Variants in ZFP1 observed in about 807,000 individuals in gnomAD.
ZFP1 encodes the protein zinc finger protein 1 homolog.
A neutral mutation model predicts 38.5 loss-of-function variants in ZFP1; 32 were observed. That is an observed-to-expected ratio of 0.83 (90% CI 0.63 to 1.12). The LOEUF (loss-of-function observed/expected upper bound fraction) is 1.12. ZFP1 is among the 50% of genes most tolerant of loss of function. ZFP1 has a pLI of 0.00. For synonymous variants in ZFP1, 245 were observed against 168.8 expected (o/e 1.45, Z -3.50); for missense variants, 616 against 480.8 (o/e 1.28, Z -2.63).
intron 2 of ZFP1, chr16:75,157,049 CAG>C (rs1176204269): frequency 6.6e-6 from 1 of 152,164 alleles, no homozygotes; most frequent in East Asian, 1.9e-4. Flanking sequence ...AGTAGAGAAT[CAG>C]TGCTATTTCA....
In ZFP1 at chr16:75,172,174, GGAGA is replaced by G. The variant is rs959109386; in HGVS notation, c.*1848_*1851del. The stretch of plus-strand genomic sequence containing the variant: ...TAGGTCAAATGAGGAAAGCAAGAGG[GGAGA>G]GAGAGAGTGTATGTGTGTGTGTAGC... On this transcript the variant is annotated 3_prime_UTR_variant, in exon 4 of 4. Transcript: ENST00000570010. 3 of 152,134 alleles carry G rather than the reference GGAGA, an allele frequency of 2.0e-5. No individual in the cohort carries two copies. Among genetic ancestry groups the G allele is most frequent in the Non-Finnish European group, 4.4e-5 (3 of 68,022 alleles). The allele number at this position is 152,134 out of a possible 1,614,324, so 9.4% of individuals were successfully genotyped here. A position where few individuals can be genotyped will look rare whatever the true frequency, so the allele number is the denominator to read the frequency against.
chr16:75,153,980 A>G (rs1253535098), intron 2 of ZFP1, among the ~76,000 whole-genome samples: 3 of 152,176 alleles, frequency 2.0e-5, no homozygotes, highest in Non-Finnish European at 2.9e-5. Context: ...GGTTTCCTTC[A>G]CTTAGAAATA....
intron 2 of ZFP1, 108 bp from the exon 3 acceptor site, chr16:75,166,662 C>G (rs1460109788): frequency 1.9e-5 from 30 of 1,571,820 alleles, no homozygotes; most frequent in Non-Finnish European, 2.6e-5. Context: ...CAAGATGTAT[C>G]GTTGGTGTAA....
Position 75,169,392 on chromosome 16 carries a change from AGACTTT to A in ZFP1, c.284_289del (p.Asp95_Phe96del). 6.2e-7 allele frequency: 1 copy of A among 1,614,206 alleles called. No homozygotes were observed. Among genetic ancestry groups the A allele is most frequent in the Non-Finnish European group, 8.5e-7 (1 of 1,180,026 alleles). ...TTGGAAAAGCACTTAATCTGAACAC[AGACTTT>A]GTTTCTTTAAGACAAGTACCTTATA... On this transcript the variant is annotated inframe_deletion, in exon 4 of 4. Transcript: ENST00000570010.
chr16:75,145,074 A>C (rs988026069), upstream of ZFP1, among the ~76,000 whole-genome samples: 2 of 152,350 alleles, frequency 1.3e-5, no homozygotes, highest in African/African-American at 4.8e-5. Context: ...GATATGGCTG[A>C]ATAATATTCC....
At chr16:75,161,039 C>A (rs1316710994) in intron 2 of ZFP1, among the ~76,000 whole-genome samples, 1 of 151,704 alleles carries the variant, frequency 6.6e-6, no homozygotes, top group African/African-American at 2.4e-5. Context: ...CTTTACAGAC[C>A]CAAACACCAG....
At chr16:75,121,262 A>C in the ZFP1 span, among the ~76,000 whole-genome samples, 2 of 150,718 alleles carry the variant, frequency 1.3e-5, no homozygotes, top group South Asian at 4.2e-4. Flanking sequence ...CATAACTGGG[A>C]CTACAGGCGC....
chr16:75,151,179 CT>C lies in ZFP1; in HGVS notation c.-43-1718del, dbSNP rs113479963. Among the ~76,000 whole-genome samples the C allele has an allele frequency of 2.5e-3, 370 of 145,432 alleles. 1 individual carries two copies. Among genetic ancestry groups the C allele is most frequent in the Middle Eastern group, 3.5e-3 (1 of 282 alleles). ...TGACCCTCTTTTTCCATTCTTTTAT[CT>C]TTTTTTTTTTTAATTTCCTGACTCC... On this transcript the variant is annotated intron_variant, in intron 1 of 3. Coordinates refer to ENST00000570010, the MANE Select transcript of ZFP1 (RefSeq NM_153688.4).
Position 75,169,449 on chromosome 16 carries a change from G to C in ZFP1, c.339G>C (p.Leu113Phe). The C allele has an allele frequency of 6.2e-7, 1 of 1,612,716 alleles. No homozygotes were observed. Among genetic ancestry groups the C allele is most frequent in the Non-Finnish European group, 8.5e-7 (1 of 1,179,678 alleles). Residue 113 changes from leucine to phenylalanine, a missense_variant, in exon 4 of 4, where the codon TTG (leucine) becomes TTC (phenylalanine). Coordinates refer to ENST00000570010, the MANE Select transcript of ZFP1 (RefSeq NM_153688.4). Reference protein sequence around the residue: ...PYKYDLYEKTLKYNSDLLNSN... With the variant: ...PYKYDLYEKTFKYNSDLLNSN... ...AATATGACTTATATGAAAAAACTTT[G>C]AAATATAATTCAGACTTGCTTAATA...
At chr16:75,150,226 T>C (rs941000285) in intron 1 of ZFP1, among the ~76,000 whole-genome samples, 1 of 107,914 alleles carries the variant, frequency 9.3e-6, no homozygotes, top group African/African-American at 3.4e-5. Context: ...TTTTTTTTTT[T>C]GAGACAGAGT....
At position 75,169,649 on chromosome 16, in the gene ZFP1, T is replaced by A; in HGVS notation, c.539T>A (p.Leu180Ter). The change falls in exon 4 of 4, where the codon TTG (leucine) becomes TAG (stop). Residue 180 changes from leucine (L) to a stop codon, truncating the protein, a stop_gained. Transcript: ENST00000570010. LOFTEE classifies it high-confidence loss of function. ...TTTAAACATCAGAAAATAAAAAACT[T>A]GGTTCAACCTTTCATTTGTACTTAC... ...AIFKHQKIKN[L>*]VQPFICTYCD... is the part of the protein sequence containing the mutation. The A allele has an allele frequency of 6.3e-7, 1 of 1,595,988 alleles. No individual in the cohort carries two copies. Among genetic ancestry groups the A allele is most frequent in the Non-Finnish European group, 8.5e-7 (1 of 1,175,170 alleles).
intron 2 of ZFP1, among the ~76,000 whole-genome samples, chr16:75,165,483 C>G (rs912897341): frequency 1.3e-5 from 2 of 151,972 alleles, no homozygotes; most frequent in Admixed American, 6.6e-5. Context: ...CAGCCTCCAC[C>G]TCCCAGGTTC....
At chr16:75,160,624 A>T (rs1433331462) in intron 2 of ZFP1, among the ~76,000 whole-genome samples, 3 of 147,578 alleles carry the variant, frequency 2.0e-5, no homozygotes, top group African/African-American at 7.6e-5. Flanking sequence ...ATGCCACTGC[A>T]CTCCAATCTG....
At chr16:75,127,342 T>C in the ZFP1 span, among the ~76,000 whole-genome samples, 5 of 152,104 alleles carry the variant, frequency 3.3e-5, no homozygotes, top group Admixed American at 3.3e-4. Context: ...CTCTGCCTCC[T>C]GGGCTCAAGT....
chr16:75,121,654 C>G, the ZFP1 span, among the ~76,000 whole-genome samples: 1 of 152,210 alleles, frequency 6.6e-6, no homozygotes, highest in South Asian at 2.1e-4. Context: ...ATCAGCATGC[C>G]TAATACGTCT....
chr16:75,156,110 G>C (rs934416630), intron 2 of ZFP1, among the ~76,000 whole-genome samples: 2 of 152,146 alleles, frequency 1.3e-5, no homozygotes, highest in African/African-American at 4.8e-5. Context: ...GGAGCAATGT[G>C]GCAACACCAA....
At chr16:75,126,049 CAA>C in the ZFP1 span, 40,237 of 118,768 alleles carry the variant, frequency 0.34, 5,671 homozygotes, top group Non-Finnish European at 0.35. Flanking sequence ...AACTCCATCT[CAA>C]AAAAAAAAAA....
chr16:75,162,317 T>TCTCGC (rs942932747), intron 2 of ZFP1, among the ~76,000 whole-genome samples: 2 of 150,350 alleles, frequency 1.3e-5, no homozygotes, highest in Non-Finnish European at 3.0e-5. Flanking sequence ...GAGATGGGGG[T>TCTCGC]CTCGCCCTGT....
intron 1 of ZFP1, 110 bp downstream of exon 1, chr16:75,148,753 A>T (rs925064331): frequency 3.3e-5 from 5 of 152,242 alleles, no homozygotes; most frequent in Non-Finnish European, 5.9e-5. Flanking sequence ...GGCTACTCGT[A>T]GGCGGCAGTG....
Sources: gnomAD v4.1 joint callset for allele counts (sites outside exome capture counted in the v4.1 genomes callset) on GRCh38, gnomAD v4.1.1 for gene constraint, MANE v1.5 for transcripts, NCBI Gene and HGNC (gene_info 2026-07-23, HGNC 2026-07-21) for gene names.